UBE4B: variants seen among roughly 807,000 people sequenced by gnomAD.
UBE4B encodes ubiquitin conjugation factor E4 B.
Under a neutral mutation model 148.1 loss-of-function variants are expected in UBE4B, and 27 were observed. The ratio of observed to expected loss-of-function variants is 0.18; its 90% CI spans 0.13 to 0.25. UBE4B has a LOEUF of 0.25. Among genes scored for constraint, UBE4B ranks in the 10% least tolerant of loss-of-function variants. The pLI is 1.00. For synonymous variants in UBE4B, 596 were observed against 619.3 expected, an observed-to-expected ratio of 0.96 and a Z score of 0.56; for missense variants, 1,170 against 1,662.4, an observed-to-expected ratio of 0.70 and a Z score of 5.15.
At chr1:10,076,967 G>A (rs1293849920) in intron 2 of UBE4B, among the ~76,000 whole-genome samples, 12 of 151,640 alleles carry the variant, frequency 7.9e-5, no homozygotes, top group Admixed American at 5.3e-4. Flanking sequence ...GGCTGGTCTC[G>A]AACTCCTGAC....
chr1:10,135,158 A>C lies in UBE4B; in HGVS notation c.2196A>C (p.Glu732Asp). Residue 732 changes from glutamate (E) to aspartate (D), a missense_variant, in exon 16 of 28, where the codon GAA becomes GAC. Glu to Asp is a conservative substitution (Grantham distance 45). Transcript: ENST00000343090. ...AGACGCGTGTGAATGCAACGATGGA[A>C]GATGTGAATGACTGGCTGACTGAAC... is the stretch of plus-strand genomic sequence containing the variant. ...NDETRVNATM[E>D]DVNDWLTELY... 1 of 1,613,958 alleles carries C rather than the reference A, an allele frequency of 6.2e-7. No individual in the cohort carries two copies. The highest frequency in any genetic ancestry group is 8.5e-7 in the Non-Finnish European group (1 of 1,179,920).
chr1:10,040,767 A>G (rs769472164), intron 1 of UBE4B, among the ~76,000 whole-genome samples: 9 of 151,760 alleles, frequency 5.9e-5, no homozygotes, highest in Non-Finnish European at 1.3e-4. Flanking sequence ...ACAAGCATGT[A>G]CCACCATGCC....
intron 7 of UBE4B, among the ~76,000 whole-genome samples, chr1:10,107,612 T>C (rs1645139140): frequency 1.3e-5 from 2 of 150,748 alleles, no homozygotes; most frequent in Non-Finnish European, 1.5e-5. Flanking sequence ...AGTTCTGCTC[T>C]TGTTGCCCAG....
At chr1:10,112,809 C>T (rs765688545) in intron 7 of UBE4B, among the ~76,000 whole-genome samples, 2 of 152,144 alleles carry the variant, frequency 1.3e-5, no homozygotes, top group African/African-American at 2.4e-5. Flanking sequence ...TGACACTTAA[C>T]GCTTGTATTA....
chr1:10,115,562 G>A (rs541385472), intron 7 of UBE4B, among the ~76,000 whole-genome samples: 31 of 152,104 alleles, frequency 2.0e-4, no homozygotes, highest in Non-Finnish European at 1.6e-4. Flanking sequence ...TTGAGCCACC[G>A]CGTTTGGCCA....
chr1:10,059,886 T>G (rs1644252345), intron 1 of UBE4B, among the ~76,000 whole-genome samples: 1 of 152,150 alleles, frequency 6.6e-6, no homozygotes, highest in Non-Finnish European at 1.5e-5. Context: ...AAGGGAAGGC[T>G]TCTTCTACCC....
Position 10,168,072 on chromosome 1 carries a change from T to C in UBE4B, c.3199-64T>C. 3 of 1,549,498 alleles carry C rather than the reference T, an allele frequency of 1.9e-6. No homozygotes were observed. The highest frequency in any genetic ancestry group is 2.6e-6 in the Non-Finnish European group (3 of 1,145,188). On this transcript the variant is annotated intron_variant, in intron 23 of 27. Coordinates refer to ENST00000343090, the MANE Select transcript of UBE4B (RefSeq NM_001105562.3). This position sits in a 1 kb window ranked among gnomAD's most constrained non-coding sequence, Gnocchi z 4.9. ...ATCACGCACTTTCCAGTTATGTGCT[T>C]GGCGCTTTGCTGAGCTGATGACCAG...
At chr1:10,100,376 G>T (rs538615321) in intron 3 of UBE4B, among the ~76,000 whole-genome samples, 261 of 152,228 alleles carry the variant, frequency 1.7e-3, no homozygotes, top group Non-Finnish European at 2.8e-3. Context: ...GGATACAGTG[G>T]TTATTCACAG....
chr1:10,106,102 T>A lies in UBE4B; in HGVS notation c.810-95T>A. On this transcript the variant is annotated intron_variant, in intron 6 of 27. Coordinates refer to ENST00000343090, the MANE Select transcript of UBE4B (RefSeq NM_001105562.3). The surrounding 1 kb of genome is among the most constrained non-coding windows in gnomAD (Gnocchi z 4.2). ...CTAGATATACTTGAACTGAAATGAT[T>A]CTCCTTTAAAAGCTTGATATTTTCT... The A allele has an allele frequency of 7.3e-7, 1 of 1,378,372 alleles. No individual in the cohort carries two copies. Among genetic ancestry groups the A allele is most frequent in the South Asian group, 1.4e-5 (1 of 70,400 alleles). 85.4% of individuals were successfully genotyped at this position (1,378,372 alleles called of 1,614,324 possible). A position where few individuals can be genotyped will look rare whatever the true frequency, so the allele number is the denominator to read the frequency against.
At chr1:10,095,435 T>C in intron 2 of UBE4B, 26 bp from the exon 3 acceptor site, 4 of 1,612,332 alleles carry the variant, frequency 2.5e-6, no homozygotes, top group Non-Finnish European at 3.4e-6. Context: ...ACATGGGGCT[T>C]CATCCTTCCT....
intron 7 of UBE4B, among the ~76,000 whole-genome samples, chr1:10,109,432 T>C (rs888038618): frequency 6.6e-6 from 1 of 152,204 alleles, no homozygotes; most frequent in African/African-American, 2.4e-5. Flanking sequence ...ATTTCACTCC[T>C]TAATTACAAA....
At chr1:10,149,089 A>G (rs1570982437) in intron 19 of UBE4B, 95 bp from the exon 20 acceptor site, 1 of 882,716 alleles carries the variant, frequency 1.1e-6, no homozygotes, top group East Asian at 2.6e-5. Flanking sequence ...TTTCTTCCCC[A>G]AATGAAATAC....
At chr1:10,073,747 T>A (rs1325483145) in intron 2 of UBE4B, among the ~76,000 whole-genome samples, 1 of 151,268 alleles carries the variant, frequency 6.6e-6, no homozygotes, top group Non-Finnish European at 1.5e-5. Context: ...AACAACAACA[T>A]CAAATTCATG....
At chr1:10,122,948 G>C (rs746134295) in intron 10 of UBE4B, among the ~76,000 whole-genome samples, 1 of 152,108 alleles carries the variant, frequency 6.6e-6, no homozygotes, top group Non-Finnish European at 1.5e-5. Flanking sequence ...TGTGTTTTCA[G>C]CAGTCTTCAA....
chr1:10,070,477 A>G (rs1458074729), intron 1 of UBE4B, among the ~76,000 whole-genome samples: 5 of 150,954 alleles, frequency 3.3e-5, no homozygotes, highest in Non-Finnish European at 5.9e-5. Flanking sequence ...CCAGATCCCT[A>G]GAATCTCACT....
chr1:10,064,711 A>G (rs1189617605), intron 1 of UBE4B, among the ~76,000 whole-genome samples: 1 of 152,126 alleles, frequency 6.6e-6, no homozygotes, highest in Non-Finnish European at 1.5e-5. Flanking sequence ...GGCTAGAGAA[A>G]AAAACAAAAG....
chr1:10,158,285 G>C (rs1428129237), intron 21 of UBE4B, 71 bp from the exon 22 acceptor site: 16 of 1,567,400 alleles, frequency 1.0e-5, no homozygotes, highest in Middle Eastern at 1.7e-4. Flanking sequence ...CAGTATCATT[G>C]TTGGGGCAAT....
intron 1 of UBE4B, among the ~76,000 whole-genome samples, chr1:10,067,950 G>A (rs922322004): frequency 1.3e-5 from 2 of 151,424 alleles, no homozygotes; most frequent in Non-Finnish European, 2.9e-5. Flanking sequence ...GGATGGTCTC[G>A]ATCTCCTGAC....
At chr1:10,134,914 A>C (rs1035660110) in intron 15 of UBE4B, 74 bp from the exon 16 acceptor site, 1 of 1,323,796 alleles carries the variant, frequency 7.6e-7, no homozygotes, top group African/African-American at 1.5e-5. Flanking sequence ...CAGCCTGGGC[A>C]ACAGAGTGAG....
Sources: gnomAD v4.1 joint callset for allele counts (sites outside exome capture counted in the v4.1 genomes callset) on GRCh38, gnomAD v4.1.1 for gene constraint, Gnocchi (gnomAD v3.1) non-coding constraint, MANE v1.5 for transcripts, NCBI Gene and HGNC (gene_info 2026-07-23, HGNC 2026-07-21) for gene names.